Variants in NKAIN2 observed in about 807,000 individuals in gnomAD.
NKAIN2 encodes the protein sodium/potassium-transporting ATPase subunit beta-1-interacting protein 2.
A neutral mutation model predicts 32.6 loss-of-function variants in NKAIN2; 14 were observed. The ratio of observed to expected loss-of-function variants is 0.43; its 90% CI spans 0.28 to 0.67. The LOEUF (loss-of-function observed/expected upper bound fraction) is 0.67, where lower values mean the gene tolerates loss of function less well. Ranked by LOEUF, NKAIN2 falls within the 30% of genes least tolerant of loss-of-function variation. The pLI, the probability that NKAIN2 is intolerant of heterozygous loss-of-function variation, is 0.17. For synonymous variants in NKAIN2, 80 were observed against 87.2 expected, an observed-to-expected ratio of 0.92 and a Z score of 0.46; for missense variants, 198 against 258.3, an observed-to-expected ratio of 0.77 and a Z score of 1.60.
chr6:124,098,319 A>G (rs999704932), intron 1 of NKAIN2, among the ~76,000 whole-genome samples: 5 of 152,206 alleles, frequency 3.3e-5, no homozygotes, highest in Admixed American at 2.6e-4. Flanking sequence ...GGGATCATGC[A>G]TTATTTGAAT....
intron 1 of NKAIN2, among the ~76,000 whole-genome samples, chr6:123,960,411 T>C (rs1231378179): frequency 1.3e-5 from 2 of 152,178 alleles, no homozygotes; most frequent in Non-Finnish European, 2.9e-5. Flanking sequence ...ACTCAGTGTC[T>C]ACACCACCAA....
At chr6:124,027,626 C>G (rs1781173056) in intron 1 of NKAIN2, among the ~76,000 whole-genome samples, 1 of 152,168 alleles carries the variant, frequency 6.6e-6, no homozygotes, top group African/African-American at 2.4e-5. Flanking sequence ...ATATCATCGT[C>G]AGCCAGTCAT....
At chr6:124,544,268 C>G (rs191002148) in intron 3 of NKAIN2, among the ~76,000 whole-genome samples, 1 of 151,928 alleles carries the variant, frequency 6.6e-6, no homozygotes, top group East Asian at 1.9e-4. Context: ...ACATTACAGT[C>G]GAGAAGGAAA....
At chr6:124,265,763 C>A (rs990295731) in intron 1 of NKAIN2, among the ~76,000 whole-genome samples, 1 of 152,110 alleles carries the variant, frequency 6.6e-6, no homozygotes, top group Non-Finnish European at 1.5e-5. Flanking sequence ...GGCAATCAGC[C>A]CCCTTGGAAC....
At chr6:124,222,652 C>T (rs1232306795) in intron 1 of NKAIN2, among the ~76,000 whole-genome samples, 1 of 152,104 alleles carries the variant, frequency 6.6e-6, no homozygotes, top group African/African-American at 2.4e-5. Context: ...ACTCTGGTCA[C>T]TCCCAAGTTG....
At chr6:124,278,782 A>G (rs1795161372) in intron 1 of NKAIN2, among the ~76,000 whole-genome samples, 1 of 150,560 alleles carries the variant, frequency 6.6e-6, no homozygotes, top group Non-Finnish European at 1.5e-5. Flanking sequence ...AGCAACCAGA[A>G]TTGACCCAAC....
intron 3 of NKAIN2, among the ~76,000 whole-genome samples, chr6:124,625,990 T>C (rs530671840): frequency 9.2e-5 from 14 of 151,904 alleles, no homozygotes; most frequent in Non-Finnish European, 1.8e-4. Context: ...ATGTGCACAA[T>C]ATGCAGGTTT....
At chr6:123,889,927 T>A (rs868825440) in intron 1 of NKAIN2, among the ~76,000 whole-genome samples, 14 of 152,144 alleles carry the variant, frequency 9.2e-5, no homozygotes, top group African/African-American at 3.4e-4. Context: ...TTTAATTTTT[T>A]AGTTATTTGT....
In NKAIN2 at chr6:124,578,472, G is replaced by C. The variant is rs188383895; in HGVS notation, c.274-79714G>C. On this transcript the variant is annotated intron_variant, in intron 3 of 6. Transcript: ENST00000368417. ...GGCCTGGATCTATGCCAGCCACAGA[G>C]AGAGACTCCTCTGCTTGTGGAAAAG... 6.6e-3 allele frequency among the ~76,000 whole-genome samples: 1,001 copies of C among 152,122 alleles called. 3 individuals are homozygous for C. The highest frequency in any genetic ancestry group is 0.014 in the Middle Eastern group (4 of 294).
chr6:124,521,741 G>A (rs914994333), intron 3 of NKAIN2, among the ~76,000 whole-genome samples: 4 of 152,112 alleles, frequency 2.6e-5, no homozygotes, highest in African/African-American at 9.7e-5. Flanking sequence ...TAAAATATTT[G>A]GGGCATGTGC....
At chr6:123,846,171 C>T (rs375916883) in intron 1 of NKAIN2, among the ~76,000 whole-genome samples, 8 of 152,220 alleles carry the variant, frequency 5.3e-5, no homozygotes, top group African/African-American at 1.4e-4. Flanking sequence ...TATGCTGAGT[C>T]GTTATTAGGC....
At chr6:124,628,840 CA>C (rs1783454894) in intron 3 of NKAIN2, among the ~76,000 whole-genome samples, 1 of 151,800 alleles carries the variant, frequency 6.6e-6, no homozygotes, top group African/African-American at 2.4e-5. Flanking sequence ...TAAGGAATAG[CA>C]ATATAAAATA....
At chr6:124,488,213 T>C (rs552534391) in intron 3 of NKAIN2, among the ~76,000 whole-genome samples, 20 of 152,176 alleles carry the variant, frequency 1.3e-4, no homozygotes, top group Non-Finnish European at 4.4e-5. Context: ...TCCTAAAATT[T>C]AATGAGGTAG....
intron 3 of NKAIN2, among the ~76,000 whole-genome samples, chr6:124,630,063 C>A (rs1783504273): frequency 6.6e-6 from 1 of 152,050 alleles, no homozygotes; most frequent in Non-Finnish European, 1.5e-5. Flanking sequence ...ATAGGTACTG[C>A]AATTGCATGG....
At chr6:124,529,126 A>C (rs894816621) in intron 3 of NKAIN2, among the ~76,000 whole-genome samples, 2 of 152,190 alleles carry the variant, frequency 1.3e-5, no homozygotes, top group African/African-American at 4.8e-5. Flanking sequence ...TAAAGAAATA[A>C]TTTCTTATGT....
chr6:124,746,085 C>T (rs1467391658), intron 4 of NKAIN2, among the ~76,000 whole-genome samples: 1 of 151,768 alleles, frequency 6.6e-6, no homozygotes, highest in African/African-American at 2.4e-5. Flanking sequence ...TACAGAAAAG[C>T]AGTGTGAGGT....
At chr6:124,034,565 G>C (rs1781531655) in intron 1 of NKAIN2, among the ~76,000 whole-genome samples, 1 of 152,040 alleles carries the variant, frequency 6.6e-6, no homozygotes, top group Non-Finnish European at 1.5e-5. Context: ...GTTGTGAATA[G>C]CCCTGCAATA....
At chr6:124,309,936 C>T (rs1168859986) in intron 2 of NKAIN2, among the ~76,000 whole-genome samples, 1 of 152,074 alleles carries the variant, frequency 6.6e-6, no homozygotes, top group Non-Finnish European at 1.5e-5. Flanking sequence ...TTCATTCTCA[C>T]TCTTGGGACT....
chr6:124,089,903 A>G (rs1195021031), intron 1 of NKAIN2, among the ~76,000 whole-genome samples: 1 of 151,960 alleles, frequency 6.6e-6, no homozygotes, highest in Admixed American at 6.6e-5. Context: ...ACTAAGTGGC[A>G]GACCAATCAT....
Sources: allele counts gnomAD v4.1 joint callset (sites outside exome capture counted in the v4.1 genomes callset), GRCh38; gene constraint gnomAD v4.1.1; transcripts MANE v1.5; gene names NCBI Gene and HGNC (gene_info 2026-07-23, HGNC 2026-07-21).